The following RGS7 variants were observed in gnomAD, a reference collection of about 807,000 sequenced individuals.
The protein encoded by RGS7 is regulator of G-protein signaling 7.
Under a neutral mutation model 81.1 loss-of-function variants are expected in RGS7, and 27 were observed. The ratio of observed to expected loss-of-function variants is 0.33; its 90% CI spans 0.25 to 0.46. The LOEUF (loss-of-function observed/expected upper bound fraction) is 0.46, where lower values mean the gene tolerates loss of function less well. Ranked by LOEUF, RGS7 falls within the 20% of genes least tolerant of loss-of-function variation. RGS7 has a pLI of 1.00. For synonymous variants in RGS7, 208 were observed against 207.7 expected (o/e 1.00, Z -0.01); for missense variants, 396 against 607.4 (o/e 0.65, Z 3.66).
chr1:241,259,127 T>C (rs1419634855), intron 2 of RGS7, among the ~76,000 whole-genome samples: 1 of 152,132 alleles, frequency 6.6e-6, no homozygotes, highest in Non-Finnish European at 1.5e-5. Flanking sequence ...CAAATACTAC[T>C]ACAACTTTCT....
At chr1:241,169,584 C>T (rs998212300) in intron 2 of RGS7, among the ~76,000 whole-genome samples, 8 of 151,792 alleles carry the variant, frequency 5.3e-5, no homozygotes, top group African/African-American at 1.9e-4. Context: ...ACCTTGTGAT[C>T]CACCTGCCTC....
At chr1:241,355,919 C>G (rs1241174223) in intron 1 of RGS7, 93 bp from the exon 2 acceptor site, 6 of 736,044 alleles carry the variant, frequency 8.2e-6, no homozygotes, top group Non-Finnish European at 1.5e-5. Flanking sequence ...ATGGCGCGTT[C>G]TTACAAACTG....
intron 3 of RGS7, among the ~76,000 whole-genome samples, chr1:241,060,067 C>T (rs1000958362): frequency 1.3e-5 from 2 of 152,154 alleles, no homozygotes; most frequent in African/African-American, 4.8e-5. Context: ...GGCACCAGTT[C>T]CTCTCTCCTG....
At chr1:241,051,530 A>ATC in intron 3 of RGS7, among the ~76,000 whole-genome samples, 1 of 151,998 alleles carries the variant, frequency 6.6e-6, no homozygotes, top group South Asian at 2.1e-4. Flanking sequence ...TGGTCAAAGA[A>ATC]TCTCTCTCTC....
At chr1:241,261,803 G>C (rs2077351368) in intron 2 of RGS7, among the ~76,000 whole-genome samples, 1 of 152,032 alleles carries the variant, frequency 6.6e-6, no homozygotes, top group Admixed American at 6.5e-5. Flanking sequence ...GGTGATACTA[G>C]AGCTGAAGAA....
chr1:241,039,067 G>A (rs1415722265), intron 3 of RGS7, among the ~76,000 whole-genome samples: 1 of 152,122 alleles, frequency 6.6e-6, no homozygotes, highest in Non-Finnish European at 1.5e-5. Context: ...TTCCGATGTT[G>A]TGACCACAGA....
intron 3 of RGS7, among the ~76,000 whole-genome samples, chr1:241,033,519 T>C (rs933844832): frequency 1.3e-4 from 20 of 152,102 alleles, no homozygotes; most frequent in Middle Eastern, 3.2e-3. Flanking sequence ...ATATTTTATA[T>C]AAAAATGATA....
intron 6 of RGS7, among the ~76,000 whole-genome samples, chr1:240,883,028 G>T (rs950726650): frequency 1.6e-4 from 24 of 152,262 alleles, no homozygotes; most frequent in Middle Eastern, 3.4e-3. Flanking sequence ...TGCTGAGAAT[G>T]ATGGTTTCCA....
intron 14 of RGS7, among the ~76,000 whole-genome samples, chr1:240,808,878 T>TAA (rs5782161): frequency 8.7e-4 from 127 of 145,912 alleles, no homozygotes; most frequent in African/African-American, 3.1e-3. Context: ...CCATCTCTCT[T>TAA]AAAAAAAAAA....
chr1:241,149,926 C>T (rs145086792), intron 2 of RGS7, among the ~76,000 whole-genome samples: 8 of 152,206 alleles, frequency 5.3e-5, no homozygotes, highest in African/African-American at 1.7e-4. Flanking sequence ...CGGGTGTGTG[C>T]CACCATGCCC....
At chr1:241,099,458 T>C (rs949435455) in intron 2 of RGS7, among the ~76,000 whole-genome samples, 1 of 152,068 alleles carries the variant, frequency 6.6e-6, no homozygotes, top group African/African-American at 2.4e-5. Context: ...ATGTATACAA[T>C]AAAATGAATG....
chr1:241,230,790 G>C (rs1352652150), intron 2 of RGS7, among the ~76,000 whole-genome samples: 1 of 152,206 alleles, frequency 6.6e-6, no homozygotes, highest in African/African-American at 2.4e-5. Flanking sequence ...TGTAGATCGG[G>C]AGGAGGCAGG....
chr1:241,355,870 C>G lies in RGS7; in HGVS notation c.-50-44G>C. 7.0e-6 allele frequency: 7 copies of G among 1,007,054 alleles called. No individual in the cohort carries two copies. In the South Asian group the frequency reaches 9.0e-5, roughly 13 times the overall value. 62.4% of individuals were successfully genotyped at this position (1,007,054 alleles called of 1,614,324 possible). On this transcript the variant is annotated intron_variant, in intron 1 of 18. Coordinates refer to ENST00000440928, the MANE Select transcript of RGS7 (RefSeq NM_001364886.1). ...ACTTCAGTGAGATCCCAGTGGGACT[C>G]CCCTGATTCATCATCATCATTCACA... is the stretch of plus-strand genomic sequence containing the variant.
At chr1:240,985,816 AC>A (rs1387044411) in intron 3 of RGS7, among the ~76,000 whole-genome samples, 4 of 152,100 alleles carry the variant, frequency 2.6e-5, no homozygotes, top group African/African-American at 9.7e-5. Context: ...TCTTATTGGA[AC>A]CAGAAGACTG....
intron 16 of RGS7, among the ~76,000 whole-genome samples, chr1:240,802,234 G>A (rs1688136034): frequency 6.6e-6 from 1 of 152,078 alleles, no homozygotes; most frequent in Admixed American, 6.6e-5. Context: ...AAGAATGAAT[G>A]ACGTTGATGT....
chr1:241,147,551 C>G (rs1000027861), intron 2 of RGS7, among the ~76,000 whole-genome samples: 5 of 151,560 alleles, frequency 3.3e-5, no homozygotes, highest in Admixed American at 2.6e-4. Context: ...TTTCCTTCTC[C>G]ATATTTTATG....
chr1:240,800,082 A>G (rs1423062576), intron 18 of RGS7, among the ~76,000 whole-genome samples: 1 of 152,144 alleles, frequency 6.6e-6, no homozygotes, highest in Non-Finnish European at 1.5e-5. Context: ...TTTGAAAAGG[A>G]TTAACTTGAA....
chr1:241,200,889 T>C (rs1436688597), intron 2 of RGS7, among the ~76,000 whole-genome samples: 1 of 152,196 alleles, frequency 6.6e-6, no homozygotes, highest in East Asian at 1.9e-4. Flanking sequence ...ATCACCTCCA[T>C]GTCCAGACTT....
chr1:241,098,990 T>C (rs76343968), intron 2 of RGS7, among the ~76,000 whole-genome samples: 8,344 of 152,246 alleles, frequency 0.055, 751 homozygotes, highest in African/African-American at 0.19. Flanking sequence ...AATAGGAATT[T>C]TGTGCTTTGA....
Sources: allele counts gnomAD v4.1 joint callset (sites outside exome capture counted in the v4.1 genomes callset), GRCh38; gene constraint gnomAD v4.1.1; transcripts MANE v1.5; gene names NCBI Gene and HGNC (gene_info 2026-07-23, HGNC 2026-07-21).